Variants in USP20 observed in about 807,000 individuals in gnomAD.
The protein encoded by USP20 is ubiquitin carboxyl-terminal hydrolase 20.
In USP20, 80 loss-of-function variants were observed where a neutral mutation model predicts 124.2. The observed-to-expected ratio is 0.64, with a 90% CI of 0.54 to 0.78. The LOEUF (loss-of-function observed/expected upper bound fraction) is 0.78. Ranked by LOEUF, USP20 falls within the 30% of genes least tolerant of loss-of-function variation. USP20 has a pLI of 0.00. For missense variants in USP20, 1,043 were observed against 1,244.4 expected, an observed-to-expected ratio of 0.84 and a Z score of 2.44; for synonymous variants, 481 against 512.3, an observed-to-expected ratio of 0.94 and a Z score of 0.83.
Position 129,879,503 on chromosome 9 carries a change from A to T in USP20, c.2513-70A>T, listed in dbSNP as rs1363919161. On this transcript the variant is annotated intron_variant, in intron 23 of 25. Coordinates refer to ENST00000372429, the MANE Select transcript of USP20 (RefSeq NM_001110303.4). This position sits in a 1 kb window ranked among gnomAD's most constrained non-coding sequence, Gnocchi z 4.2. The stretch of plus-strand genomic sequence containing the variant: ...CAGGCCTGGGGCGGCCCCACTTGGG[A>T]TGGCTCTGCTGCTGTGGAGGGTGGA... 4 of 1,559,036 alleles carry T rather than the reference A, an allele frequency of 2.6e-6. No individual in the cohort carries two copies. Among genetic ancestry groups the T allele is most frequent in the Non-Finnish European group, 3.5e-6 (4 of 1,134,874 alleles).
At chr9:129,865,901 A>G (rs2033799733) in intron 10 of USP20, among the ~76,000 whole-genome samples, 1 of 152,232 alleles carries the variant, frequency 6.6e-6, no homozygotes, top group Non-Finnish European at 1.5e-5. Context: ...ACAGGGTTTC[A>G]TTTCCCCAAA....
intron 10 of USP20, among the ~76,000 whole-genome samples, chr9:129,867,060 C>T (rs1230018684): frequency 1.3e-5 from 2 of 152,170 alleles, no homozygotes; most frequent in African/African-American, 4.8e-5. Context: ...GCTACGTGAC[C>T]CCTGCCTCCT....
At chr9:129,849,253 G>A (rs2032764114) in intron 1 of USP20, among the ~76,000 whole-genome samples, 1 of 152,202 alleles carries the variant, frequency 6.6e-6, no homozygotes, top group African/African-American at 2.4e-5. Context: ...AGTGACTAGT[G>A]AAGGCCAGCA....
Position 129,863,172 on chromosome 9 carries a change from TCCCCTGCACCCAGCCC to T in USP20, c.498-13_500del. Reference sequence around the variant, plus strand: ...TTTGCTCTCCTGACCTGGCTCTCTCTCCCCTGCACCCAGCCCGCCGCTGACTCAGTTCTTCTTGGAG... The same window carrying T: ...TTTGCTCTCCTGACCTGGCTCTCTCTGCCGCTGACTCAGTTCTTCTTGGAG... On this transcript the variant is annotated splice_acceptor_variant and splice_polypyrimidine_tract_variant and coding_sequence_variant and intron_variant, in exon 9 of 26. Coordinates refer to ENST00000372429, the MANE Select transcript of USP20 (RefSeq NM_001110303.4). LOFTEE classifies it high-confidence loss of function. 6.6e-7 allele frequency: 1 copy of T among 1,510,380 alleles called. No individual in the cohort carries two copies. The highest frequency in any genetic ancestry group is 9.0e-7 in the Non-Finnish European group (1 of 1,116,494). 93.6% of individuals were successfully genotyped at this position (1,510,380 alleles called of 1,614,324 possible).
At chr9:129,847,763 G>A (rs757892059) in intron 1 of USP20, among the ~76,000 whole-genome samples, 1 of 152,146 alleles carries the variant, frequency 6.6e-6, no homozygotes, top group Non-Finnish European at 1.5e-5. Flanking sequence ...ACCACAGAAA[G>A]TTCCTTCTTG....
At chr9:129,853,354 C>T (rs138812035) in intron 3 of USP20, among the ~76,000 whole-genome samples, 8 of 152,220 alleles carry the variant, frequency 5.3e-5, no homozygotes, top group Non-Finnish European at 7.3e-5. Context: ...ACAGCTTTCA[C>T]ATTTGTTACC....
In USP20 at chr9:129,881,446, C is replaced by A. The variant is rs577815043; in HGVS notation, c.*996C>A. On this transcript the variant is annotated 3_prime_UTR_variant, in exon 26 of 26. Transcript: ENST00000372429. ...AAAGCCCCTGGAGAAACCGCCAGGG[C>A]GAGGTGCGACCATCATCAGGATCAA... The A allele has an allele frequency of 6.6e-6, 1 of 152,146 alleles. No individual in the cohort carries two copies. Among genetic ancestry groups the A allele is most frequent in the African/African-American group, 2.4e-5 (1 of 41,418 alleles). 9.4% of individuals were successfully genotyped at this position (152,146 alleles called of 1,614,324 possible). A position where few individuals can be genotyped will look rare whatever the true frequency, so the allele number is the denominator to read the frequency against.
rs767625741 is a variant in USP20, at chr9:129,835,471, A to AGGC, written c.-146_-144dup. 24 of 413,114 alleles carry AGGC rather than the reference A, an allele frequency of 5.8e-5. No homozygotes were observed. Among genetic ancestry groups the AGGC allele is most frequent in the African/African-American group, 3.0e-4 (14 of 47,052 alleles). The allele number at this position is 413,114 out of a possible 1,614,324, so 25.6% of individuals were successfully genotyped here. A position where few individuals can be genotyped will look rare whatever the true frequency, so the allele number is the denominator to read the frequency against. The stretch of plus-strand genomic sequence containing the variant: ...CTCAGAGGGGGCGCGCTTGACTGAC[A>AGGC]GGCGGCGGCGGCGCAGTTGCGAGTG... On this transcript the variant is annotated 5_prime_UTR_variant, in exon 1 of 26. Transcript: ENST00000372429.
Position 129,858,593 on chromosome 9 carries a change from G to C in USP20, c.325G>C (p.Glu109Gln). ...PLLGSSSKFS[E>Q]QDSPPPSHPL... Reference sequence around the variant, plus strand: ...GCTGGGCTCCTCTTCCAAGTTCTCTGAACAGGTAACCTGTGTGGTGGGCTC... The same window carrying C: ...GCTGGGCTCCTCTTCCAAGTTCTCTCAACAGGTAACCTGTGTGGTGGGCTC... The change falls in exon 6 of 26, where the codon GAA (glutamate) becomes CAA (glutamine). Residue 109 changes from glutamate to glutamine, a missense_variant. Glu to Gln is a conservative substitution (Grantham distance 29). Transcript: ENST00000372429. The C allele has an allele frequency of 6.2e-7, 1 of 1,613,786 alleles. No homozygotes were observed. Among genetic ancestry groups the C allele is most frequent in the Non-Finnish European group, 8.5e-7 (1 of 1,179,922 alleles).
Position 129,880,250 on chromosome 9 carries a change from G to A in USP20, c.2722G>A (p.Glu908Lys), listed in dbSNP as rs746441798. 12 of 1,608,706 alleles carry A rather than the reference G, an allele frequency of 7.5e-6. No homozygotes were observed. The highest frequency in any genetic ancestry group is 6.8e-5 in the Admixed American group (4 of 59,254). ...PENLHGEQKI[E>K]AETRAV ...GAACCTGCACGGGGAGCAGAAGATC[G>A]AAGCCGAGACGCGGGCCGTGTGATC... The change falls in exon 25 of 26, where the codon GAA (glutamate) becomes AAA (lysine). Residue 908 changes from glutamate (E) to lysine (K), a missense_variant. Transcript: ENST00000372429.
intron 4 of USP20, 66 bp from the exon 5 acceptor site, chr9:129,857,984 A>C: frequency 1.4e-6 from 2 of 1,460,856 alleles, no homozygotes; most frequent in Non-Finnish European, 1.9e-6. Flanking sequence ...GGATGGAACC[A>C]GAGACACTGT....
rs376052182 is a variant in USP20, at chr9:129,873,525, C to G, written c.1694+10C>G. 1 of 1,614,110 alleles carries G rather than the reference C, an allele frequency of 6.2e-7. No homozygotes were observed. The highest frequency in any genetic ancestry group is 1.7e-5 in the Admixed American group (1 of 60,028). On this transcript the variant is annotated intron_variant, in intron 16 of 25. Coordinates refer to ENST00000372429, the MANE Select transcript of USP20 (RefSeq NM_001110303.4). ...GTGAGCGGTGTAAGAAGTAAGTGAG[C>G]CTTCCCCCGCCTTCTCCCTAACTGC...
chr9:129,869,262 C>T (rs1309766329), intron 12 of USP20, 48 bp from the exon 13 acceptor site: 1 of 1,569,928 alleles, frequency 6.4e-7, no homozygotes, highest in African/African-American at 1.3e-5. Flanking sequence ...CGCACCTCGC[C>T]CCGGCCAGGC....
At position 129,865,388 on chromosome 9, in the gene USP20, CA is replaced by C; in HGVS notation, c.690+8del. The stretch of plus-strand genomic sequence containing the variant: ...CCGAGGCTATGCCCAGCAGGTAAGC[CA>C]TCTGAGCTGCCCAGGGGACACCCAA... On this transcript the variant is annotated splice_region_variant and intron_variant, in intron 10 of 25. Coordinates refer to ENST00000372429, the MANE Select transcript of USP20 (RefSeq NM_001110303.4). The C allele has an allele frequency of 1.2e-6, 2 of 1,614,108 alleles. No homozygotes were observed. The highest frequency in any genetic ancestry group is 1.7e-6 in the Non-Finnish European group (2 of 1,179,942).
At chr9:129,841,691 G>T (rs374067244) in intron 1 of USP20, among the ~76,000 whole-genome samples, 1 of 152,164 alleles carries the variant, frequency 6.6e-6, no homozygotes, top group Admixed American at 6.5e-5. Context: ...GTTCAGAAGC[G>T]CAGGCTGCCC....
intron 15 of USP20, among the ~76,000 whole-genome samples, chr9:129,871,632 C>T (rs10732398): frequency 0.84 from 127,830 of 152,224 alleles, 54,465 homozygotes; most frequent in East Asian, 0.98. Context: ...TCCACATCGT[C>T]GTCCACACTC....
intron 9 of USP20, among the ~76,000 whole-genome samples, chr9:129,864,469 CAAAAA>C (rs575582320): frequency 3.3e-4 from 38 of 116,782 alleles, no homozygotes; most frequent in African/African-American, 5.3e-4. Flanking sequence ...GACCCTGTCT[CAAAAA>C]AAAAAAAAAA....
At position 129,868,970 on chromosome 9, in the gene USP20, T is replaced by G; in HGVS notation, c.1244T>G (p.Val415Gly). ...LSSSPPRASP[V>G]RMAPSYVLKK... Reference sequence around the variant, plus strand: ...AGCAGCCCCCCTCGTGCAAGCCCCGTGAGGATGGCACCGTCGTACGTGCTC... The same window carrying G: ...AGCAGCCCCCCTCGTGCAAGCCCCGGGAGGATGGCACCGTCGTACGTGCTC... Residue 415 changes from valine (V) to glycine (G), a missense_variant, in exon 12 of 26, where the codon GTG becomes GGG. Physicochemically the swap from Val to Gly is moderately radical, Grantham distance 109. Transcript: ENST00000372429. The G allele has an allele frequency of 6.2e-7, 1 of 1,612,038 alleles. No individual in the cohort carries two copies. The highest frequency in any genetic ancestry group is 8.5e-7 in the Non-Finnish European group (1 of 1,179,000).
chr9:129,859,229 G>A (rs961967962), intron 6 of USP20, among the ~76,000 whole-genome samples: 2 of 28,426 alleles, frequency 7.0e-5, no homozygotes, highest in Non-Finnish European at 1.9e-4. Context: ...GGACATGTGT[G>A]CAGCATCTGC....
Sources: allele counts gnomAD v4.1 joint callset (sites outside exome capture counted in the v4.1 genomes callset), GRCh38; gene constraint gnomAD v4.1.1; non-coding constraint Gnocchi (gnomAD v3.1); transcripts MANE v1.5; gene names NCBI Gene and HGNC (gene_info 2026-07-23, HGNC 2026-07-21).